ARHGEF10: variants seen among roughly 807,000 people sequenced by gnomAD.
ARHGEF10 encodes the protein Rho guanine nucleotide exchange factor (GEF) 10.
In ARHGEF10, 140 loss-of-function variants were observed where a neutral mutation model predicts 147.4. That is an observed-to-expected ratio of 0.95 (90% CI 0.83 to 1.09). The LOEUF (loss-of-function observed/expected upper bound fraction) is 1.09, where lower values mean the gene tolerates loss of function less well. Ranked by LOEUF, ARHGEF10 falls within the 50% of genes least tolerant of loss-of-function variation. The probability of loss-of-function intolerance (pLI) is 0.00; values close to 1 mark genes in which losing one functional copy is unlikely to be tolerated. For missense variants in ARHGEF10, 2,222 were observed against 1,752.7 expected, an observed-to-expected ratio of 1.27 and a Z score of -4.78; for synonymous variants, 902 against 695.8, an observed-to-expected ratio of 1.30 and a Z score of -4.67.
chr8:1,909,170 T>G (rs1811155515), intron 17 of ARHGEF10, 125 bp from the exon 18 acceptor site: 2 of 1,356,620 alleles, frequency 1.5e-6, no homozygotes, highest in Admixed American at 1.7e-5. Context: ...ATTACTATTG[T>G]GAGAAAGTCT....
At chr8:1,894,802 G>A (rs6558561) in intron 13 of ARHGEF10, among the ~76,000 whole-genome samples, 108,853 of 152,164 alleles carry the variant, frequency 0.72, 39,959 homozygotes, top group East Asian at 0.97. Context: ...ACACTGGACA[G>A]AAGCTGTATC....
At position 1,862,398 on chromosome 8, in the gene ARHGEF10, C is replaced by T. The variant is rs201566348; in HGVS notation, c.482-1975C>T. Reference sequence around the variant, plus strand: ...GCCTACCGAAACCAGCTCTCAAAGACGTCCACAGGCAGGTCCTGCTCTTGT... The same window carrying T: ...GCCTACCGAAACCAGCTCTCAAAGATGTCCACAGGCAGGTCCTGCTCTTGT... On this transcript the variant is annotated intron_variant, in intron 4 of 28. Transcript: ENST00000349830. 1.2e-4 allele frequency among the ~76,000 whole-genome samples: 18 copies of T among 152,372 alleles called. No homozygotes were observed. In the East Asian group the frequency reaches 2.9e-3, roughly 24 times the overall value.
intron 5 of ARHGEF10, among the ~76,000 whole-genome samples, chr8:1,865,006 A>G (rs1707009323): frequency 6.6e-6 from 1 of 152,284 alleles, no homozygotes; most frequent in African/African-American, 2.4e-5. Flanking sequence ...AAGAAAATGT[A>G]TATAGAATGT....
chr8:1,834,341 G>A (rs994833861), intron 1 of ARHGEF10, among the ~76,000 whole-genome samples: 9 of 152,176 alleles, frequency 5.9e-5, no homozygotes, highest in Non-Finnish European at 1.3e-4. Context: ...GCAGAGGAGG[G>A]GAGAAGATCC....
At chr8:1,844,393 T>TGGACGAC (rs1412406812) in intron 2 of ARHGEF10, among the ~76,000 whole-genome samples, 6 of 152,160 alleles carry the variant, frequency 3.9e-5, no homozygotes, top group Admixed American at 1.3e-4. Flanking sequence ...CGGGGCCTGG[T>TGGACGAC]AGATGACAGA....
rs1563234385 is a variant in ARHGEF10 at position 1,888,302 on chromosome 8, TTTGTGAGGATA to T, written c.1182+2597_1182+2607del. Among the ~76,000 whole-genome samples the T allele has an allele frequency of 5.9e-3, 369 of 62,328 alleles. 8 individuals are homozygous for T. Among genetic ancestry groups the T allele is most frequent in the East Asian group, 0.02 (36 of 1,792 alleles). 40.9% of individuals were successfully genotyped at this position (62,328 alleles called of 152,430 possible). On this transcript the variant is annotated intron_variant, in intron 11 of 28. Transcript: ENST00000349830. ...GTTCTGAGGAGGGGTGGGGTGAGGG[TTTGTGAGGATA>T]TGCTGAGTGGGATGTTGACTGTGAG...
At chr8:1,898,605 A>G (rs1810209700) in intron 15 of ARHGEF10, 80 bp downstream of exon 15, 3 of 1,403,234 alleles carry the variant, frequency 2.1e-6, no homozygotes, top group Middle Eastern at 1.7e-4. Flanking sequence ...CTGTTCCTCC[A>G]CTTTGGAATG....
At chr8:1,844,827 G>C (rs1287382586) in intron 2 of ARHGEF10, among the ~76,000 whole-genome samples, 1 of 152,142 alleles carries the variant, frequency 6.6e-6, no homozygotes, top group Non-Finnish European at 1.5e-5. Flanking sequence ...AGCACTTTGG[G>C]AGACTGAGGT....
Position 1,937,501 on chromosome 8 carries a change from A to G in ARHGEF10, c.3222+3559A>G, listed in dbSNP as rs1378090696. 6.6e-6 allele frequency among the ~76,000 whole-genome samples: 1 copy of G among 152,188 alleles called. No homozygotes were observed. Among genetic ancestry groups the G allele is most frequent in the African/African-American group, 2.4e-5 (1 of 41,432 alleles). ...AATTTATATGCTGTAAATCTCGAAG[A>G]CTCAGAGAGAAGCAATGTGTTTGGA... is the stretch of plus-strand genomic sequence containing the variant. On this transcript the variant is annotated intron_variant, in intron 26 of 28. Transcript: ENST00000349830. This position sits in a 1 kb window ranked among gnomAD's most constrained non-coding sequence, Gnocchi z 4.9.
chr8:1,828,573 T>C (rs4475535), intron 1 of ARHGEF10, among the ~76,000 whole-genome samples: 31,917 of 95,320 alleles, frequency 0.33, 5,186 homozygotes, highest in African/African-American at 0.4. Flanking sequence ...TTTGATAAAC[T>C]GTGGCATGCA....
chr8:1,891,118 G>C (rs1364113008), intron 11 of ARHGEF10, among the ~76,000 whole-genome samples: 1 of 152,198 alleles, frequency 6.6e-6, no homozygotes, highest in Non-Finnish European at 1.5e-5. Flanking sequence ...TCTCTGTGTT[G>C]TGTTAGCACA....
chr8:1,861,973 C>T (rs1005522334), intron 4 of ARHGEF10, among the ~76,000 whole-genome samples: 2 of 152,030 alleles, frequency 1.3e-5, no homozygotes, highest in Non-Finnish European at 2.9e-5. Context: ...AAACAATTTG[C>T]TTATTTTTGT....
chr8:1,951,865 C>T (rs1815076067), intron 27 of ARHGEF10, among the ~76,000 whole-genome samples: 1 of 108,654 alleles, frequency 9.2e-6, no homozygotes, highest in Non-Finnish European at 2.0e-5. Flanking sequence ...GTCTTTGGAG[C>T]AGGTGATGTG....
chr8:1,858,421 TG>T (rs1805785703), intron 3 of ARHGEF10, among the ~76,000 whole-genome samples: 1 of 152,154 alleles, frequency 6.6e-6, no homozygotes, highest in South Asian at 2.1e-4. Context: ...ATGATGTACC[TG>T]AAAGGACTTA....
intron 16 of ARHGEF10, chr8:1,903,668 G>T (rs567931696): frequency 2.1e-4 from 133 of 625,536 alleles, no homozygotes; most frequent in African/African-American, 1.7e-3. Context: ...ATTTTCTTAG[G>T]AAAGAGATTC....
rs1563235956 is a variant in ARHGEF10 at position 1,888,762 on chromosome 8, TTTGTGAGGAGACACTGAGTGGGGTGAGTA to T, written c.1182+3083_1182+3111del. Among the ~76,000 whole-genome samples the T allele has an allele frequency of 3.3e-3, 92 of 27,974 alleles. 20 individuals carry two copies. The highest frequency in any genetic ancestry group is 0.016 in the African/African-American group (78 of 4,954). The allele number at this position is 27,974 out of a possible 152,430, so 18.4% of individuals were successfully genotyped here. A position where few individuals can be genotyped will look rare whatever the true frequency, so the allele number is the denominator to read the frequency against. On this transcript the variant is annotated intron_variant, in intron 11 of 28. Transcript: ENST00000349830. ...TGAGGAGACACTGAATAGGGTGAGG[TTTGTGAGGAGACACTGAGTGGGGTGAGTA>T]TTGTGAGGAGACACTGAGTGGGGTG...
intron 1 of ARHGEF10, among the ~76,000 whole-genome samples, chr8:1,829,916 A>T (rs1441525551): frequency 6.6e-6 from 1 of 152,130 alleles, no homozygotes; most frequent in Non-Finnish European, 1.5e-5. Flanking sequence ...AATAGGAAGG[A>T]ATGAAAGGTG....
intron 1 of ARHGEF10, among the ~76,000 whole-genome samples, chr8:1,841,241 A>G (rs1804008331): frequency 7.3e-6 from 1 of 136,270 alleles, no homozygotes; most frequent in Non-Finnish European, 1.6e-5. Flanking sequence ...GGCGAGGTGG[A>G]CCTAAAAGGA....
intron 2 of ARHGEF10, among the ~76,000 whole-genome samples, chr8:1,855,322 C>G (rs1652062759): frequency 6.6e-6 from 1 of 152,120 alleles, no homozygotes; most frequent in African/African-American, 2.4e-5. Context: ...GATTGTGTCA[C>G]CGTCTGGATG....
Sources: gnomAD v4.1 joint callset for allele counts (sites outside exome capture counted in the v4.1 genomes callset) on GRCh38, gnomAD v4.1.1 for gene constraint, Gnocchi (gnomAD v3.1) non-coding constraint, MANE v1.5 for transcripts, NCBI Gene and HGNC (gene_info 2026-07-23, HGNC 2026-07-21) for gene names.